IFT56: variants seen among roughly 807,000 people sequenced by gnomAD.
IFT56 encodes the protein intraflagellar transport protein 56.
the IFT56 span, among the ~76,000 whole-genome samples, chr7:139,158,320 A>C: frequency 6.6e-6 from 1 of 151,616 alleles, no homozygotes; most frequent in Non-Finnish European, 1.5e-5. Context: ...TCTCAAAAAA[A>C]AAAAACCAAC....
the IFT56 span, among the ~76,000 whole-genome samples, chr7:139,153,575 A>C: frequency 6.6e-6 from 1 of 152,178 alleles, no homozygotes; most frequent in African/African-American, 2.4e-5. Flanking sequence ...TATATATGGA[A>C]TCATATAATA....
the IFT56 span, chr7:139,178,707 T>C: frequency 2.0e-6 from 2 of 982,640 alleles, no homozygotes; most frequent in African/African-American, 1.6e-5. Flanking sequence ...AAGATTCCTC[T>C]GTTCTTAGGA....
At chr7:139,178,803 T>A in the IFT56 span, among the ~76,000 whole-genome samples, 1 of 152,132 alleles carries the variant, frequency 6.6e-6, no homozygotes, top group East Asian at 1.9e-4. Context: ...GGACAATGGC[T>A]TGAGCCTGGA....
chr7:139,143,177 G>A, the IFT56 span, among the ~76,000 whole-genome samples: 2 of 151,832 alleles, frequency 1.3e-5, no homozygotes, highest in Non-Finnish European at 2.9e-5. Context: ...ATACCTACTG[G>A]GTATGAGCAA....
At chr7:139,181,030 G>T in the IFT56 span, 7 of 1,044,830 alleles carry the variant, frequency 6.7e-6, no homozygotes, top group Non-Finnish European at 1.0e-5. Flanking sequence ...ATAAGGTGCA[G>T]AAATTATTTT....
At chr7:139,163,290 G>A in the IFT56 span, among the ~76,000 whole-genome samples, 45 of 143,702 alleles carry the variant, frequency 3.1e-4, 2 homozygotes, top group Admixed American at 1.4e-4. Context: ...TGCAGTGAGC[G>A]AAGATCGCGC....
the IFT56 span, among the ~76,000 whole-genome samples, chr7:139,170,066 C>T: frequency 3.9e-5 from 6 of 152,244 alleles, no homozygotes; most frequent in Admixed American, 1.3e-4. Context: ...AGAATCACCA[C>T]GGGCTACTAT....
the IFT56 span, among the ~76,000 whole-genome samples, chr7:139,168,054 A>G: frequency 6.6e-6 from 1 of 151,958 alleles, no homozygotes; most frequent in Non-Finnish European, 1.5e-5. Context: ...TTTTTTTTCC[A>G]TAGAATTGAA....
chr7:139,189,608 G>A, the IFT56 span: 1 of 545,576 alleles, frequency 1.8e-6, no homozygotes, highest in Non-Finnish European at 3.3e-6. Context: ...GCTGAACAGA[G>A]TGCCATAGTC....
At chr7:139,174,421 A>T in the IFT56 span, among the ~76,000 whole-genome samples, 1 of 152,264 alleles carries the variant, frequency 6.6e-6, no homozygotes, top group East Asian at 1.9e-4. Context: ...ACAACAAAGC[A>T]CGCGTGAGGT....
At chr7:139,141,404 C>T in the IFT56 span, among the ~76,000 whole-genome samples, 3 of 152,178 alleles carry the variant, frequency 2.0e-5, no homozygotes, top group Non-Finnish European at 4.4e-5. Flanking sequence ...GCTGAGGCTA[C>T]AGCCACGCCC....
At chr7:139,175,997 T>C in the IFT56 span, among the ~76,000 whole-genome samples, 2 of 151,982 alleles carry the variant, frequency 1.3e-5, no homozygotes, top group African/African-American at 4.8e-5. Context: ...CCCGGTATTT[T>C]TAGTAGAGAC....
the IFT56 span, among the ~76,000 whole-genome samples, chr7:139,149,696 T>C: frequency 1.3e-5 from 2 of 152,302 alleles, no homozygotes; most frequent in African/African-American, 4.8e-5. Flanking sequence ...GTAGGCACCA[T>C]GCAGAACACT....
At chr7:139,169,379 CT>C in the IFT56 span, 112 of 1,597,430 alleles carry the variant, frequency 7.0e-5, no homozygotes, top group African/African-American at 1.4e-3. Context: ...TACTTATGAT[CT>C]GCTTCATAAT....
At chr7:139,161,796 T>G in the IFT56 span, among the ~76,000 whole-genome samples, 1 of 152,222 alleles carries the variant, frequency 6.6e-6, no homozygotes, top group Non-Finnish European at 1.5e-5. Flanking sequence ...ACTCCATTTC[T>G]TATCTAATTC....
At chr7:139,148,629 A>G in the IFT56 span, among the ~76,000 whole-genome samples, 1 of 152,202 alleles carries the variant, frequency 6.6e-6, no homozygotes, top group Non-Finnish European at 1.5e-5. Context: ...TTAAAACCAA[A>G]TGCTTATGTT....
chr7:139,176,463 T>A, the IFT56 span, among the ~76,000 whole-genome samples: 1 of 152,206 alleles, frequency 6.6e-6, no homozygotes, highest in African/African-American at 2.4e-5. Context: ...AGAAAATGCT[T>A]TCTTTCTGCC....
At chr7:139,142,443 T>C in the IFT56 span, 1 of 749,866 alleles carries the variant, frequency 1.3e-6, no homozygotes, top group Non-Finnish European at 2.2e-6. Flanking sequence ...AATATAACTG[T>C]TAATTGTATA....
the IFT56 span, among the ~76,000 whole-genome samples, chr7:139,179,817 T>G: frequency 1.3e-5 from 2 of 152,208 alleles, no homozygotes; most frequent in African/African-American, 4.8e-5. Context: ...AGTTGCCATG[T>G]AAATGTGTCA....
Sources: gnomAD v4.1 joint callset for allele counts (sites outside exome capture counted in the v4.1 genomes callset) on GRCh38, gnomAD v4.1.1 for gene constraint, MANE v1.5 for transcripts, NCBI Gene and HGNC (gene_info 2026-07-23, HGNC 2026-07-21) for gene names.